Variants in PDGFD observed in about 807,000 individuals in gnomAD.
PDGFD encodes platelet derived growth factor D, also known as platelet-derived growth factor D.
In PDGFD, 30 loss-of-function variants were observed where a neutral mutation model predicts 44.7. The observed-to-expected ratio is 0.67, with a 90% confidence interval of 0.50 to 0.91. The LOEUF (loss-of-function observed/expected upper bound fraction) is 0.91, where lower values mean the gene tolerates loss of function less well. PDGFD is among the 40% of genes least tolerant of loss of function. The probability of loss-of-function intolerance (pLI) is 0.00; values close to 1 mark genes in which losing one functional copy is unlikely to be tolerated. For missense variants in PDGFD, 445 were observed against 457.8 expected (o/e 0.97, Z 0.25); for synonymous variants, 173 against 168.4 (o/e 1.03, Z -0.21).
At chr11:103,993,855 T>C (rs1345376825) in intron 3 of PDGFD, among the ~76,000 whole-genome samples, 1 of 152,130 alleles carries the variant, frequency 6.6e-6, no homozygotes, top group African/African-American at 2.4e-5. Context: ...AAAGAGTCTG[T>C]AGCTATTCTC....
chr11:104,132,037 G>A (rs1162109066), intron 1 of PDGFD, among the ~76,000 whole-genome samples: 1 of 151,802 alleles, frequency 6.6e-6, no homozygotes, highest in African/African-American at 2.4e-5. Context: ...GAAATCTTGA[G>A]ATTTACGTAC....
intron 6 of PDGFD, among the ~76,000 whole-genome samples, chr11:103,924,980 C>A (rs1413070074): frequency 6.6e-6 from 1 of 152,056 alleles, no homozygotes; most frequent in Non-Finnish European, 1.5e-5. Context: ...AACCCACCGA[C>A]AGCCCCCAGT....
chr11:104,158,826 T>C (rs1862347168), intron 1 of PDGFD, among the ~76,000 whole-genome samples: 1 of 150,700 alleles, frequency 6.6e-6, no homozygotes, highest in Non-Finnish European at 1.5e-5. Flanking sequence ...ACATGAATAA[T>C]AGTTATAGCA....
chr11:104,148,715 T>C (rs1862200060), intron 1 of PDGFD, among the ~76,000 whole-genome samples: 2 of 152,100 alleles, frequency 1.3e-5, no homozygotes, highest in Admixed American at 6.6e-5. Context: ...GTACCCATTA[T>C]TTATTTTTCC....
In PDGFD at chr11:104,000,206, C is replaced by T. The variant is rs1859599846; in HGVS notation, c.174G>A (p.Val58=). ...GACTCTGCACGTAGCCGTTTCCTTT[C>T]ACCTGGATGGTCTCATCTCTTCGGT... ...DLYRRDETIQ[V]KGNGYVQSPR... The change falls in exon 2 of 7, where the codon GTG becomes GTA. Residue 58 remains valine, a synonymous_variant. Transcript: ENST00000393158. The T allele has an allele frequency of 6.2e-7, 1 of 1,613,924 alleles. No homozygotes were observed. Among genetic ancestry groups the T allele is most frequent in the African/African-American group, 1.3e-5 (1 of 74,902 alleles).
At chr11:103,950,571 A>AAAATAAATAAATAAATAAAT (rs112585777) in intron 3 of PDGFD, among the ~76,000 whole-genome samples, 25,522 of 145,994 alleles carry the variant, frequency 0.17, 2,420 homozygotes, top group East Asian at 0.29. Flanking sequence ...CTCAAAAGAA[A>AAAATAAATAAATAAATAAAT]AAATAAATAA....
At chr11:104,131,833 T>C (rs1487051551) in intron 1 of PDGFD, among the ~76,000 whole-genome samples, 2 of 140,598 alleles carry the variant, frequency 1.4e-5, no homozygotes, top group African/African-American at 5.3e-5. Flanking sequence ...AAAAAGGGGA[T>C]GCTTGGTGAT....
At chr11:104,000,355 T>A in intron 1 of PDGFD, 100 bp from the exon 2 acceptor site, 1 of 1,038,570 alleles carries the variant, frequency 9.6e-7, no homozygotes, top group Non-Finnish European at 1.4e-6. Context: ...TCAAAACACT[T>A]CTTTATTTTG....
chr11:104,130,589 A>G (rs938192413), intron 1 of PDGFD, among the ~76,000 whole-genome samples: 3 of 152,154 alleles, frequency 2.0e-5, no homozygotes, highest in African/African-American at 4.8e-5. Flanking sequence ...AGTCTTCCCT[A>G]TACTCAACTA....
chr11:104,111,485 T>C (rs1861556736), intron 1 of PDGFD, among the ~76,000 whole-genome samples: 1 of 152,016 alleles, frequency 6.6e-6, no homozygotes, highest in Non-Finnish European at 1.5e-5. Flanking sequence ...CTTGAACTCC[T>C]AGGCTCAAGC....
chr11:103,953,855 T>C (rs1185014821), intron 3 of PDGFD, among the ~76,000 whole-genome samples: 1 of 152,228 alleles, frequency 6.6e-6, no homozygotes, highest in Non-Finnish European at 1.5e-5. Flanking sequence ...CAAAGCGTTC[T>C]AGCATGGTCA....
chr11:104,018,889 C>G (rs1859903746), intron 1 of PDGFD, among the ~76,000 whole-genome samples: 2 of 152,080 alleles, frequency 1.3e-5, no homozygotes, highest in Admixed American at 1.3e-4. Context: ...CTTTTTAGTT[C>G]TTTAGGGAAA....
Position 104,163,790 on chromosome 11 carries a change from AAT to A in PDGFD, c.124+12_124+13del. On this transcript the variant is annotated intron_variant, in intron 1 of 6. Coordinates refer to ENST00000393158, the MANE Select transcript of PDGFD (RefSeq NM_025208.5). The stretch of plus-strand genomic sequence containing the variant: ...GATTTTTTTTTCAGTTAAAAAATAA[AAT>A]GAGTCTCTTACCATCTCGCCTGAGG... The A allele has an allele frequency of 6.6e-7, 1 of 1,510,964 alleles. No homozygotes were observed. 93.6% of individuals were successfully genotyped at this position (1,510,964 alleles called of 1,614,324 possible). A position where few individuals can be genotyped will look rare whatever the true frequency, so the allele number is the denominator to read the frequency against.
chr11:104,122,447 C>A (rs1487059123), intron 1 of PDGFD, among the ~76,000 whole-genome samples: 1 of 151,952 alleles, frequency 6.6e-6, no homozygotes, highest in Admixed American at 6.6e-5. Flanking sequence ...TCTTTTGAAC[C>A]CTATGCAAAT....
At position 104,164,001 on chromosome 11, in the gene PDGFD, G is replaced by T. The variant is rs1021916482; in HGVS notation, c.-74C>A. ...CTGCTCCCGGGACCGACGCCGCGCCGCCCTGCGCTCTCGCCGCCTGCGCTC... is the reference window on the plus strand; with the variant it reads ...CTGCTCCCGGGACCGACGCCGCGCCTCCCTGCGCTCTCGCCGCCTGCGCTC... On this transcript the variant is annotated 5_prime_UTR_variant, in exon 1 of 7. Coordinates refer to ENST00000393158, the MANE Select transcript of PDGFD (RefSeq NM_025208.5). 2.1e-4 allele frequency: 298 copies of T among 1,433,536 alleles called. No individual in the cohort carries two copies. The highest frequency in any genetic ancestry group is 2.6e-4 in the Non-Finnish European group (280 of 1,077,076). 88.8% of individuals were successfully genotyped at this position (1,433,536 alleles called of 1,614,324 possible).
At chr11:103,918,527 CA>C (rs534792658) in intron 6 of PDGFD, among the ~76,000 whole-genome samples, 16 of 152,260 alleles carry the variant, frequency 1.1e-4, no homozygotes, top group African/African-American at 3.9e-4. Context: ...TGACGGCAAA[CA>C]AAAGTGTGTG....
At chr11:104,000,291 TG>T (rs745572545) in intron 1 of PDGFD, 36 bp from the exon 2 acceptor site, 5 of 1,551,132 alleles carry the variant, frequency 3.2e-6, no homozygotes, top group Non-Finnish European at 1.8e-6. Context: ...ATTAGTATGT[TG>T]CTCCAATTAC....
chr11:104,014,632 A>G (rs1170209122), intron 1 of PDGFD, among the ~76,000 whole-genome samples: 1 of 152,178 alleles, frequency 6.6e-6, no homozygotes, highest in Admixed American at 6.5e-5. Flanking sequence ...CATTTAATAC[A>G]TCCTGAGAAA....
At chr11:104,147,013 A>G (rs537631755) in intron 1 of PDGFD, among the ~76,000 whole-genome samples, 1 of 152,172 alleles carries the variant, frequency 6.6e-6, no homozygotes, top group East Asian at 1.9e-4. Context: ...AAAAAAAAAA[A>G]AAAAAATAGT....
Sources: gnomAD v4.1 joint callset for allele counts (sites outside exome capture counted in the v4.1 genomes callset) on GRCh38, gnomAD v4.1.1 for gene constraint, MANE v1.5 for transcripts, NCBI Gene and HGNC (gene_info 2026-07-23, HGNC 2026-07-21) for gene names.